Variants in IQSEC2 observed in about 807,000 individuals in gnomAD.
The protein encoded by IQSEC2 is IQ motif and SEC7 domain-containing protein 2.
In IQSEC2, 6 loss-of-function variants were observed where a neutral mutation model predicts 74.6. The observed-to-expected ratio is 0.08, with a 90% confidence interval of 0.04 to 0.16. The LOEUF (loss-of-function observed/expected upper bound fraction) is 0.16, where lower values mean the gene tolerates loss of function less well. Ranked by LOEUF, IQSEC2 falls within the 10% of genes least tolerant of loss-of-function variation. IQSEC2 has a pLI of 1.00. For missense variants in IQSEC2, 734 were observed against 1,306.2 expected, an observed-to-expected ratio of 0.56 and a Z score of 6.75; for synonymous variants, 494 against 544.5, an observed-to-expected ratio of 0.91 and a Z score of 1.29.
chrX:53,255,939 C>A lies in IQSEC2; in HGVS notation c.860G>T (p.Gly287Val). The A allele has an allele frequency of 8.3e-7, 1 of 1,200,224 alleles. No homozygotes were observed. Residue 287 changes from glycine (G) to valine (V), a missense_variant, in exon 3 of 15, where the codon GGA becomes GTA. This residue lies in a region of IQSEC2 where 54 missense variants were observed against 62.1 expected (regional missense o/e 0.87). Coordinates refer to ENST00000642864, the MANE Select transcript of IQSEC2 (RefSeq NM_001111125.3). The part of the protein sequence containing the change: ...SSSHMGGPPA[G>V]VGLPWAQRAR... ...CCGCTGAGCCCAGGGAAGGCCCACT[C>A]CAGCAGGGGGGCCCCCCATGTGGCT...
At chrX:53,305,920 A>G (rs1177429199) in intron 1 of IQSEC2, among the ~76,000 whole-genome samples, 1 of 112,022 alleles carries the variant, frequency 8.9e-6, no homozygotes, top group Non-Finnish European at 1.9e-5. Flanking sequence ...AAGGACGGAA[A>G]GGGGGAACAC....
At chrX:53,235,233 C>T in intron 14 of IQSEC2, 49 bp from the exon 15 acceptor site, 1 of 1,160,657 alleles carries the variant, frequency 8.6e-7, no homozygotes, top group Non-Finnish European at 1.2e-6. Flanking sequence ...GCCCTAAACC[C>T]CCAGCCCTAA....
intron 1 of IQSEC2, 150 bp from the exon 2 acceptor site, chrX:53,292,074 T>A: frequency 2.1e-6 from 1 of 473,024 alleles, no homozygotes; most frequent in Non-Finnish European, 3.6e-6. Flanking sequence ...GAGAAGAGAA[T>A]AGCAAGTGCA....
intron 2 of IQSEC2, among the ~76,000 whole-genome samples, chrX:53,256,532 A>T (rs1356178239): frequency 1.9e-5 from 2 of 108,063 alleles, no homozygotes; most frequent in Non-Finnish European, 3.8e-5. Flanking sequence ...GCACCACCCC[A>T]GACTAGCTCC....
Position 53,320,992 on chromosome X carries a change from G to C in IQSEC2, c.132C>G (p.Ile44Met). 8.6e-7 allele frequency: 1 copy of C among 1,159,123 alleles called. No homozygotes were observed. The highest frequency in any genetic ancestry group is 1.1e-6 in the Non-Finnish European group (1 of 872,257). ...QQLLETQRRRIEELEGQLDQL... is the reference protein window; with the variant it reads ...QQLLETQRRRMEELEGQLDQL... ...GGTCCAGCTGGCCCTCCAGCTCCTC[G>C]ATGCGCCGCCGCTGGGTTTCCAGCA... The change falls in exon 1 of 15, where the codon ATC becomes ATG. Residue 44 changes from isoleucine (I) to methionine (M), a missense_variant. By Grantham distance (10) the Ile-to-Met change is conservative. Coordinates refer to ENST00000642864, the MANE Select transcript of IQSEC2 (RefSeq NM_001111125.3).
intron 2 of IQSEC2, among the ~76,000 whole-genome samples, chrX:53,290,357 C>A (rs1370589687): frequency 3.6e-5 from 4 of 112,234 alleles, no homozygotes; most frequent in African/African-American, 1.3e-4. Flanking sequence ...TATTAAATGT[C>A]CTGAGCTCTA....
At chrX:53,279,870 G>A in intron 2 of IQSEC2, 1 of 272,715 alleles carries the variant, frequency 3.7e-6, no homozygotes, top group East Asian at 5.6e-5. Context: ...AAAAGAGGAA[G>A]GGAGAGAGGG....
intron 2 of IQSEC2, among the ~76,000 whole-genome samples, chrX:53,269,032 C>T (rs1556868227): frequency 8.9e-6 from 1 of 112,320 alleles, no homozygotes; most frequent in African/African-American, 3.2e-5. Context: ...ATGTTCCCTA[C>T]TCACTGATGC....
chrX:53,263,633 C>G, intron 2 of IQSEC2, among the ~76,000 whole-genome samples: 1 of 96,756 alleles, frequency 1.0e-5, no homozygotes, highest in Admixed American at 1.0e-4. Flanking sequence ...CTCCCCTTCA[C>G]CCCCCGACTT....
intron 2 of IQSEC2, among the ~76,000 whole-genome samples, chrX:53,283,215 AAAAGAAAAAG>A (rs1320343150): frequency 8.9e-6 from 1 of 111,951 alleles, no homozygotes; most frequent in Admixed American, 9.5e-5. Flanking sequence ...GACCCTGTAC[AAAAGAAAAAG>A]AAAGAAAGAA....
intron 1 of IQSEC2, among the ~76,000 whole-genome samples, chrX:53,318,520 C>A (rs1174127800): frequency 8.9e-6 from 1 of 111,901 alleles, no homozygotes; most frequent in Non-Finnish European, 1.9e-5. Flanking sequence ...TAACTGGGGA[C>A]GACCCAGGTC....
chrX:53,276,996 T>C (rs1441463634), intron 2 of IQSEC2, among the ~76,000 whole-genome samples: 1 of 112,037 alleles, frequency 8.9e-6, no homozygotes, highest in Non-Finnish European at 1.9e-5. Flanking sequence ...AAAATAGTTG[T>C]TGCTCTATTA....
At chrX:53,267,085 G>A in intron 2 of IQSEC2, 2 of 1,146,789 alleles carry the variant, frequency 1.7e-6, no homozygotes, top group Non-Finnish European at 2.3e-6. Context: ...GAAGGGCGGG[G>A]TAGAGGCCAC....
intron 8 of IQSEC2, among the ~76,000 whole-genome samples, chrX:53,244,103 C>T (rs2074265076): frequency 9.1e-6 from 1 of 109,507 alleles, no homozygotes; most frequent in Non-Finnish European, 1.9e-5. Context: ...CCTGTAGTCC[C>T]AGGTACTCGG....
At chrX:53,297,622 C>T (rs1460796086) in intron 1 of IQSEC2, among the ~76,000 whole-genome samples, 1 of 111,971 alleles carries the variant, frequency 8.9e-6, no homozygotes, top group Non-Finnish European at 1.9e-5. Context: ...CCACCGTGCC[C>T]AGCCTGATTA....
chrX:53,279,040 G>A (rs2074892519), intron 2 of IQSEC2: 1 of 111,539 alleles, frequency 9.0e-6, no homozygotes, highest in Non-Finnish European at 1.9e-5. Flanking sequence ...AATCAGCCAG[G>A]TGTAGTGGCG....
intron 13 of IQSEC2, 74 bp from the exon 14 acceptor site, chrX:53,235,906 CA>C: frequency 9.8e-7 from 1 of 1,019,645 alleles, no homozygotes; most frequent in Non-Finnish European, 1.3e-6. Flanking sequence ...CAGAGCTGGG[CA>C]CCAGGACTGG....
In IQSEC2 at chrX:53,254,593, G is replaced by A; in HGVS notation, c.1338C>T (p.Ser446=). 8.4e-7 allele frequency: 1 copy of A among 1,192,418 alleles called. No homozygotes were observed. The highest frequency in any genetic ancestry group is 1.1e-6 in the Non-Finnish European group (1 of 886,710). Residue 446 remains serine (S), a synonymous_variant, in exon 4 of 15, where the codon TCC becomes TCT. Coordinates refer to ENST00000642864, the MANE Select transcript of IQSEC2 (RefSeq NM_001111125.3). ...TAGAAAACTCTCCAGATGTGGTGAC[G>A]GAGCTTCCACCACCATCGATGCCCC... ...CGGGIDGGGS[S]VTTSGEFSND... is the part of the protein sequence containing the mutation.
chrX:53,287,121 G>A (rs782471589), intron 2 of IQSEC2, among the ~76,000 whole-genome samples: 1 of 110,451 alleles, frequency 9.1e-6, no homozygotes, highest in Non-Finnish European at 1.9e-5. Flanking sequence ...AGGCCTGGCT[G>A]TTTTTCATTA....
Sources: allele counts gnomAD v4.1 joint callset (sites outside exome capture counted in the v4.1 genomes callset), GRCh38; gene constraint gnomAD v4.1.1; regional missense constraint gnomAD v4.1.1; transcripts MANE v1.5; gene names NCBI Gene and HGNC (gene_info 2026-07-23, HGNC 2026-07-21).